The following PSD3 variants were observed in gnomAD, a reference collection of about 807,000 sequenced individuals.
The protein encoded by PSD3 is pleckstrin and Sec7 domain containing 3.
Under a neutral mutation model 105.5 loss-of-function variants are expected in PSD3, and 49 were observed. The observed-to-expected ratio is 0.46, with a 90% CI of 0.37 to 0.59. The LOEUF (loss-of-function observed/expected upper bound fraction) is 0.59, where lower values mean the gene tolerates loss of function less well. Among genes scored for constraint, PSD3 ranks in the 20% least tolerant of loss-of-function variants. PSD3 has a pLI of 0.00. For missense variants in PSD3, 1,561 were observed against 1,263.8 expected, an observed-to-expected ratio of 1.24 and a Z score of -3.57; for synonymous variants, 557 against 457.8, an observed-to-expected ratio of 1.22 and a Z score of -2.77.
chr8:18,645,302 G>A (rs1807949531), intron 10 of PSD3, among the ~76,000 whole-genome samples: 1 of 152,142 alleles, frequency 6.6e-6, no homozygotes, highest in African/African-American at 2.4e-5. Context: ...ATTAATTCAT[G>A]TTCAATATCA....
chr8:18,748,432 G>A (rs1021108354), intron 9 of PSD3, among the ~76,000 whole-genome samples: 1 of 151,954 alleles, frequency 6.6e-6, no homozygotes, highest in Non-Finnish European at 1.5e-5. Context: ...AGGCCAAGGC[G>A]GGCGGATCAC....
At chr8:18,669,170 AAC>A (rs1799639577) in intron 9 of PSD3, among the ~76,000 whole-genome samples, 1 of 152,214 alleles carries the variant, frequency 6.6e-6, no homozygotes, top group African/African-American at 2.4e-5. Flanking sequence ...ATTTGATTAT[AAC>A]ACATGCTGAT....
chr8:18,901,357 G>A (rs1424517931), intron 2 of PSD3, among the ~76,000 whole-genome samples: 2 of 152,160 alleles, frequency 1.3e-5, no homozygotes, highest in African/African-American at 4.8e-5. Flanking sequence ...ATAGAGCTGG[G>A]TCATGTTTTT....
In PSD3 at chr8:18,804,870, C is replaced by G; in HGVS notation, c.1663G>C (p.Glu555Gln). 6.2e-7 allele frequency: 1 copy of G among 1,612,732 alleles called. No homozygotes were observed. The highest frequency in any genetic ancestry group is 1.1e-5 in the South Asian group (1 of 91,006). ...SNAGVKTTRLEAHSEMGSTEI... is the reference protein window; with the variant it reads ...SNAGVKTTRLQAHSEMGSTEI... Reference sequence around the variant, plus strand: ...GTGCTCCCCATTTCAGAATGAGCTTCTAGCCGTGTTGTTTTCACCCCAGCA... The same window carrying G: ...GTGCTCCCCATTTCAGAATGAGCTTGTAGCCGTGTTGTTTTCACCCCAGCA... Residue 555 changes from glutamate to glutamine, a missense_variant, in exon 5 of 16, where the codon GAA (glutamate) becomes CAA (glutamine). Transcript: ENST00000327040.
intron 1 of PSD3, among the ~76,000 whole-genome samples, chr8:18,942,304 C>T (rs1822596409): frequency 6.6e-6 from 1 of 152,140 alleles, no homozygotes; most frequent in South Asian, 2.1e-4. Context: ...AAAACTAACA[C>T]TTGGTTCCAA....
At chr8:18,703,609 T>C (rs1801718978) in intron 9 of PSD3, among the ~76,000 whole-genome samples, 1 of 152,230 alleles carries the variant, frequency 6.6e-6, no homozygotes, top group Non-Finnish European at 1.5e-5. Flanking sequence ...TGAAATTCTT[T>C]GTTAAAGTAA....
At chr8:18,547,510 G>C (rs1800518270) in intron 15 of PSD3, among the ~76,000 whole-genome samples, 1 of 152,202 alleles carries the variant, frequency 6.6e-6, no homozygotes. Flanking sequence ...TGAGCTGGCA[G>C]AGGCAGGGTG....
At chr8:18,851,304 A>G (rs570097590) in intron 4 of PSD3, among the ~76,000 whole-genome samples, 52 of 152,298 alleles carry the variant, frequency 3.4e-4, no homozygotes, top group African/African-American at 1.3e-3. Context: ...ACATCTTCCA[A>G]CTCCATATTC....
At position 18,658,435 on chromosome 8, in the gene PSD3, T is replaced by C. The variant is rs1047504289; in HGVS notation, c.2173-2750A>G. On this transcript the variant is annotated intron_variant, in intron 9 of 15. Coordinates refer to ENST00000327040, the MANE Select transcript of PSD3 (RefSeq NM_015310.4). ...CCTTTCCCGTGTAGCCTAGACGTCA[T>C]AGTCTCTCACCTCCACCAGTCTAGT... Among the ~76,000 whole-genome samples, 6 of 152,178 alleles carry C rather than the reference T, an allele frequency of 3.9e-5. No homozygotes were observed. The East Asian group carries it at 1.2e-3, about 29-fold the overall frequency.
chr8:18,943,906 G>T (rs541511837), intron 1 of PSD3, among the ~76,000 whole-genome samples: 3 of 151,922 alleles, frequency 2.0e-5, no homozygotes, highest in East Asian at 2.0e-4. Context: ...GCAGGAGACC[G>T]GAAGAGTTTT....
At chr8:19,062,193 AATGCT>A (rs1257397208) in intron 1 of PSD3, among the ~76,000 whole-genome samples, 3 of 152,238 alleles carry the variant, frequency 2.0e-5, no homozygotes, top group Admixed American at 2.0e-4. Flanking sequence ...ACTGAACAAA[AATGCT>A]AACTAAGGAC....
At chr8:18,680,755 G>A (rs1218788293) in intron 9 of PSD3, among the ~76,000 whole-genome samples, 1 of 152,102 alleles carries the variant, frequency 6.6e-6, no homozygotes, top group Admixed American at 6.6e-5. Context: ...TCTATAAGCT[G>A]AATTTTAGTA....
chr8:18,721,774 C>G (rs1252562226), intron 9 of PSD3, among the ~76,000 whole-genome samples: 3 of 152,164 alleles, frequency 2.0e-5, no homozygotes, highest in Non-Finnish European at 4.4e-5. Flanking sequence ...GATCACACTT[C>G]TTTACCCAAT....
chr8:18,706,664 T>C (rs1170612426), intron 9 of PSD3, among the ~76,000 whole-genome samples: 1 of 152,216 alleles, frequency 6.6e-6, no homozygotes, highest in African/African-American at 2.4e-5. Context: ...GAGATGGATA[T>C]AGAAGCTGCA....
chr8:18,653,687 G>A (rs1010595656), intron 10 of PSD3, among the ~76,000 whole-genome samples: 3 of 151,524 alleles, frequency 2.0e-5, no homozygotes, highest in Admixed American at 1.3e-4. Context: ...CTCCACCCTT[G>A]GGTAACACGC....
intron 4 of PSD3, among the ~76,000 whole-genome samples, chr8:18,847,300 A>T (rs1815175622): frequency 6.6e-6 from 1 of 152,176 alleles, no homozygotes; most frequent in Non-Finnish European, 1.5e-5. Context: ...ATCTCCCATC[A>T]GTCAACTCAG....
intron 1 of PSD3, among the ~76,000 whole-genome samples, chr8:19,074,504 G>T (rs1224663727): frequency 6.8e-6 from 1 of 146,368 alleles, no homozygotes; most frequent in Admixed American, 6.9e-5. Flanking sequence ...TCATGACATT[G>T]TATTGTTTTC....
At chr8:18,697,716 A>G (rs1034304479) in intron 9 of PSD3, among the ~76,000 whole-genome samples, 3 of 152,216 alleles carry the variant, frequency 2.0e-5, no homozygotes, top group African/African-American at 7.2e-5. Flanking sequence ...GCAAGTATCT[A>G]TCAATTTTTA....
intron 11 of PSD3, among the ~76,000 whole-genome samples, chr8:18,611,590 A>ATT (rs145272783): frequency 2.5e-4 from 37 of 150,542 alleles, no homozygotes; most frequent in Middle Eastern, 3.4e-3. Context: ...AATCCTTTGG[A>ATT]TTTTTTTTTT....
Sources: allele counts gnomAD v4.1 joint callset (sites outside exome capture counted in the v4.1 genomes callset), GRCh38; gene constraint gnomAD v4.1.1; transcripts MANE v1.5; gene names NCBI Gene and HGNC (gene_info 2026-07-23, HGNC 2026-07-21).